The following ACER2 variants were observed in gnomAD, a reference collection of about 807,000 sequenced individuals.
ACER2 encodes alkaline ceramidase 2, also known as alkCDase 2.
A neutral mutation model predicts 34.7 loss-of-function variants in ACER2; 26 were observed. That is an observed-to-expected ratio of 0.75 (90% CI 0.55 to 1.04). ACER2 has a LOEUF of 1.04. Ranked by LOEUF, ACER2 falls within the 50% of genes least tolerant of loss-of-function variation. The probability of loss-of-function intolerance (pLI) is 0.00; values close to 1 mark genes in which losing one functional copy is unlikely to be tolerated. For synonymous variants in ACER2, 138 were observed against 132.1 expected (o/e 1.04, Z -0.31); for missense variants, 352 against 340.8 (o/e 1.03, Z -0.26).
At chr9:19,428,315 A>T (rs575279136) in intron 3 of ACER2, among the ~76,000 whole-genome samples, 4 of 151,438 alleles carry the variant, frequency 2.6e-5, no homozygotes, top group Non-Finnish European at 1.5e-5. Flanking sequence ...TTCCAGGTGC[A>T]TGTCACCACA....
At chr9:19,429,156 CA>C (rs1589048670) in intron 3 of ACER2, among the ~76,000 whole-genome samples, 1 of 151,944 alleles carries the variant, frequency 6.6e-6, no homozygotes, top group African/African-American at 2.4e-5. Context: ...TTCATTATGT[CA>C]ATAGGATATA....
intron 4 of ACER2, among the ~76,000 whole-genome samples, chr9:19,443,407 C>T (rs368880907): frequency 6.6e-6 from 1 of 152,216 alleles, no homozygotes; most frequent in Non-Finnish European, 1.5e-5. Flanking sequence ...ACCTCGTGAT[C>T]CCCCGGCCTT....
chr9:19,449,507 CT>C (rs2132538488), intron 5 of ACER2, among the ~76,000 whole-genome samples: 1 of 152,266 alleles, frequency 6.6e-6, no homozygotes, highest in South Asian at 2.1e-4. Context: ...ATTGTCACAT[CT>C]GTTAATCTTT....
At chr9:19,418,137 C>T (rs1830290334) in intron 1 of ACER2, among the ~76,000 whole-genome samples, 2 of 152,248 alleles carry the variant, frequency 1.3e-5, no homozygotes, top group South Asian at 4.1e-4. Flanking sequence ...CAAATCAAAA[C>T]CACAATGAGA....
chr9:19,444,835 C>T (rs1260249465), intron 4 of ACER2, among the ~76,000 whole-genome samples: 1 of 152,194 alleles, frequency 6.6e-6, no homozygotes, highest in Non-Finnish European at 1.5e-5. Context: ...TAAGTCTCCC[C>T]ATGTCATCGG....
chr9:19,446,455 G>C, intron 5 of ACER2, 37 bp downstream of exon 5: 1 of 1,613,396 alleles, frequency 6.2e-7, no homozygotes, highest in Non-Finnish European at 8.5e-7. Context: ...CCGGGGACAG[G>C]TGTGTTTGCA....
At chr9:19,441,996 T>C (rs1831171267) in intron 4 of ACER2, among the ~76,000 whole-genome samples, 1 of 152,230 alleles carries the variant, frequency 6.6e-6, no homozygotes, top group African/African-American at 2.4e-5. Flanking sequence ...CTTTAGCCTT[T>C]ATTCCTAAAG....
At chr9:19,446,146 G>C in intron 4 of ACER2, 135 bp from the exon 5 acceptor site, 1 of 1,223,662 alleles carries the variant, frequency 8.2e-7, no homozygotes, top group Non-Finnish European at 1.2e-6. Flanking sequence ...TGGAGTGACT[G>C]TGTGTTGGGT....
intron 3 of ACER2, among the ~76,000 whole-genome samples, chr9:19,432,766 C>T (rs1384229910): frequency 6.8e-6 from 1 of 148,112 alleles, no homozygotes; most frequent in Middle Eastern, 3.3e-3. Flanking sequence ...TAAAAATATA[C>T]ATATATAAAA....
At chr9:19,425,422 T>C (rs1453379568) in intron 3 of ACER2, among the ~76,000 whole-genome samples, 2 of 152,358 alleles carry the variant, frequency 1.3e-5, no homozygotes, top group East Asian at 1.9e-4. Context: ...TTAATAGCCA[T>C]TGTGTTAGGG....
At chr9:19,440,324 G>C (rs1251413264) in intron 4 of ACER2, among the ~76,000 whole-genome samples, 1 of 152,050 alleles carries the variant, frequency 6.6e-6, no homozygotes, top group East Asian at 1.9e-4. Flanking sequence ...TCAACTCCCT[G>C]CTTGCTATGG....
At chr9:19,423,455 C>T (rs747697484) in intron 1 of ACER2, among the ~76,000 whole-genome samples, 3 of 152,092 alleles carry the variant, frequency 2.0e-5, no homozygotes, top group African/African-American at 4.8e-5. Context: ...AATCCCAGCA[C>T]GTTGGGAGGC....
intron 1 of ACER2, among the ~76,000 whole-genome samples, chr9:19,421,346 T>A (rs1334289062): frequency 6.6e-6 from 1 of 152,196 alleles, no homozygotes; most frequent in African/African-American, 2.4e-5. Flanking sequence ...CCAGCAACAA[T>A]TAATGTATGA....
At chr9:19,447,214 T>A (rs982324382) in intron 5 of ACER2, among the ~76,000 whole-genome samples, 5 of 152,166 alleles carry the variant, frequency 3.3e-5, no homozygotes, top group Non-Finnish European at 7.3e-5. Flanking sequence ...GGTTATCCCC[T>A]ATAGGTAGGA....
At chr9:19,445,467 G>T (rs895368564) in intron 4 of ACER2, among the ~76,000 whole-genome samples, 2 of 152,230 alleles carry the variant, frequency 1.3e-5, no homozygotes, top group African/African-American at 4.8e-5. Context: ...AAAATTAAAG[G>T]AGGGAAGGAG....
intron 1 of ACER2, among the ~76,000 whole-genome samples, chr9:19,418,544 G>A (rs560771949): frequency 6.6e-6 from 1 of 152,284 alleles, no homozygotes; most frequent in African/African-American, 2.4e-5. Context: ...CATGTCCTTT[G>A]CAGGGACATG....
At chr9:19,424,578 T>C in intron 2 of ACER2, 122 bp from the exon 3 acceptor site, 1 of 1,498,432 alleles carries the variant, frequency 6.7e-7, no homozygotes, top group Non-Finnish European at 8.8e-7. Flanking sequence ...AGTTTCTTTT[T>C]TCAGAGAGAG....
Position 19,446,526 on chromosome 9 carries a change from T to C in ACER2, c.641+108T>C, listed in dbSNP as rs114109715. On this transcript the variant is annotated intron_variant, in intron 5 of 5. Transcript: ENST00000340967. ...CACAGGTGTCCTGTGGGTTGCTGGC[T>C]TGCTTCTCTCCTCAGGTGGACGGTC... The C allele has an allele frequency of 5.3e-4, 833 of 1,564,168 alleles. 5 individuals are homozygous for C. The African/African-American group carries it at 9.4e-3, about 18-fold the overall frequency.
At chr9:19,440,108 AC>A (rs1191419491) in intron 4 of ACER2, among the ~76,000 whole-genome samples, 3 of 150,436 alleles carry the variant, frequency 2.0e-5, no homozygotes, top group African/African-American at 2.5e-5. Context: ...CAGTTTTCAG[AC>A]CCCCCTGTAT....
Sources: allele counts gnomAD v4.1 joint callset (sites outside exome capture counted in the v4.1 genomes callset), GRCh38; gene constraint gnomAD v4.1.1; transcripts MANE v1.5; gene names NCBI Gene and HGNC (gene_info 2026-07-23, HGNC 2026-07-21).